EYS: variants seen among roughly 807,000 people sequenced by gnomAD.
EYS encodes EGF-like photoreceptor maintenance factor.
EYS carries 250 observed loss-of-function variants against 282.1 expected under a neutral mutation model. The observed-to-expected ratio is 0.89, with a 90% CI of 0.80 to 0.98. The LOEUF (loss-of-function observed/expected upper bound fraction) is 0.98. EYS is among the 50% of genes least tolerant of loss of function. EYS has a pLI of 0.00. For missense variants in EYS, 4,016 were observed against 3,709.0 expected (o/e 1.08, Z -2.15); for synonymous variants, 1,355 against 1,282.9 (o/e 1.06, Z -1.20).
intron 26 of EYS, among the ~76,000 whole-genome samples, chr6:64,533,069 T>C (rs1435951085): frequency 6.6e-6 from 1 of 152,126 alleles, no homozygotes; most frequent in Non-Finnish European, 1.5e-5. Flanking sequence ...ACAATTCATA[T>C]TAGAAATGAA....
chr6:65,348,781 C>G (rs960016113), intron 9 of EYS, among the ~76,000 whole-genome samples: 11 of 151,628 alleles, frequency 7.3e-5, no homozygotes, highest in Admixed American at 5.9e-4. Context: ...CTCAAGAAAT[C>G]TTTGCCCAGT....
chr6:63,930,950 T>C (rs1026638515), intron 35 of EYS, among the ~76,000 whole-genome samples: 22 of 152,238 alleles, frequency 1.4e-4, no homozygotes, highest in African/African-American at 3.9e-4. Flanking sequence ...TTCCCCTTTC[T>C]GGTTGTTTGA....
chr6:64,551,244 A>G (rs1362291622), intron 26 of EYS, among the ~76,000 whole-genome samples: 2 of 150,254 alleles, frequency 1.3e-5, no homozygotes, highest in African/African-American at 2.4e-5. Flanking sequence ...ACTTCCTAAT[A>G]AGTTTATTTA....
intron 2 of EYS, among the ~76,000 whole-genome samples, chr6:65,557,472 G>A (rs1460468925): frequency 6.6e-6 from 1 of 152,186 alleles, no homozygotes; most frequent in Non-Finnish European, 1.5e-5. Context: ...TCTGCTGCAG[G>A]CACCAGCATC....
At chr6:65,511,590 A>G (rs1463953352) in intron 2 of EYS, among the ~76,000 whole-genome samples, 3 of 152,066 alleles carry the variant, frequency 2.0e-5, no homozygotes, top group South Asian at 2.1e-4. Context: ...TTTAATTGTT[A>G]TTTCAGTCTT....
chr6:65,014,840 G>T (rs1439601493), intron 13 of EYS, among the ~76,000 whole-genome samples: 5 of 152,154 alleles, frequency 3.3e-5, no homozygotes, highest in Admixed American at 3.3e-4. Flanking sequence ...TGGCCAATAA[G>T]AATTTGCAGA....
intron 22 of EYS, among the ~76,000 whole-genome samples, chr6:64,739,705 A>C (rs551608532): frequency 5.9e-5 from 9 of 152,270 alleles, no homozygotes; most frequent in Middle Eastern, 6.8e-3. Flanking sequence ...AATATTAAAA[A>C]ATTTCTATTT....
intron 29 of EYS, among the ~76,000 whole-genome samples, chr6:64,330,080 C>T (rs1035364158): frequency 1.3e-5 from 2 of 152,140 alleles, no homozygotes; most frequent in African/African-American, 4.8e-5. Context: ...CCGCCGTGTC[C>T]TGTTGCAGTA....
At chr6:64,942,328 C>A (rs1029465878) in intron 15 of EYS, among the ~76,000 whole-genome samples, 2 of 144,024 alleles carry the variant, frequency 1.4e-5, no homozygotes, top group African/African-American at 5.2e-5. Flanking sequence ...AACATAAGAG[C>A]AAACTAATTC....
chr6:64,110,839 AAGG>A lies in EYS; in HGVS notation c.6425-28840_6425-28838del, dbSNP rs1773180112. On this transcript the variant is annotated intron_variant, in intron 31 of 42. Transcript: ENST00000503581. ...GGAAGTATGGCATTAGAAAAGCTGAAAGGAGACAGTATTTTGGAAGAAAGAACC... is the reference window on the plus strand; with the variant it reads ...GGAAGTATGGCATTAGAAAAGCTGAAAGACAGTATTTTGGAAGAAAGAACC... 2.0e-5 allele frequency among the ~76,000 whole-genome samples: 3 copies of A among 151,278 alleles called. No individual in the cohort carries two copies. In the South Asian group the frequency reaches 6.2e-4, roughly 31 times the overall value.
intron 37 of EYS, among the ~76,000 whole-genome samples, chr6:63,796,980 C>T (rs763956850): frequency 1.4e-4 from 22 of 152,150 alleles, no homozygotes; most frequent in Non-Finnish European, 2.1e-4. Flanking sequence ...TACAGAATGG[C>T]GCTTGATTAC....
At chr6:65,275,571 G>A (rs1438743125) in intron 12 of EYS, among the ~76,000 whole-genome samples, 3 of 152,162 alleles carry the variant, frequency 2.0e-5, no homozygotes, top group Non-Finnish European at 4.4e-5. Context: ...ACATGAAAAG[G>A]AAAGAAGACT....
intron 5 of EYS, among the ~76,000 whole-genome samples, chr6:65,428,527 T>C (rs149776545): frequency 6.4e-4 from 98 of 152,112 alleles, no homozygotes; most frequent in Non-Finnish European, 1.2e-3. Context: ...TTAGCAATAT[T>C]GAGGTTAAGT....
intron 35 of EYS, among the ~76,000 whole-genome samples, chr6:63,977,722 C>T (rs1009436266): frequency 5.9e-5 from 9 of 151,918 alleles, no homozygotes; most frequent in Non-Finnish European, 8.8e-5. Context: ...GATCCAGGAC[C>T]GAGTTTGTGT....
chr6:64,288,015 T>G (rs1246631691), intron 30 of EYS, among the ~76,000 whole-genome samples: 1 of 152,126 alleles, frequency 6.6e-6, no homozygotes, highest in African/African-American at 2.4e-5. Context: ...GAAACCCCTG[T>G]GAAGAACATT....
At chr6:65,595,581 G>T (rs1259211437) in intron 2 of EYS, among the ~76,000 whole-genome samples, 1 of 151,466 alleles carries the variant, frequency 6.6e-6, no homozygotes, top group Non-Finnish European at 1.5e-5. Flanking sequence ...GGACCATTTG[G>T]AATCTAAGGA....
chr6:65,083,823 T>C (rs931481068), intron 12 of EYS, among the ~76,000 whole-genome samples: 1 of 151,724 alleles, frequency 6.6e-6, no homozygotes, highest in Non-Finnish European at 1.5e-5. Context: ...TTGTATAATA[T>C]ATGATACTAT....
In EYS at chr6:64,259,585, A is replaced by G. The variant is rs1767513534; in HGVS notation, c.6192-28761T>C. Among the ~76,000 whole-genome samples, 4 of 151,900 alleles carry G rather than the reference A, an allele frequency of 2.6e-5. No individual in the cohort carries two copies. In the South Asian group the frequency reaches 8.3e-4, roughly 32 times the overall value. ...CTTTGATATGTGTGCCAATTAGCAA[A>G]CACAGATGGCCTAATCACATTGACC... On this transcript the variant is annotated intron_variant, in intron 30 of 42. Transcript: ENST00000503581.
chr6:65,167,914 T>A (rs1765012892), intron 12 of EYS, among the ~76,000 whole-genome samples: 1 of 151,398 alleles, frequency 6.6e-6, no homozygotes, highest in African/African-American at 2.4e-5. Context: ...TTCTATATTT[T>A]GTTTGTGATT....
Sources: allele counts gnomAD v4.1 joint callset (sites outside exome capture counted in the v4.1 genomes callset), GRCh38; gene constraint gnomAD v4.1.1; transcripts MANE v1.5; gene names NCBI Gene and HGNC (gene_info 2026-07-23, HGNC 2026-07-21).